The following ATP10B variants were observed in gnomAD, a reference collection of about 807,000 sequenced individuals.
ATP10B encodes the protein phospholipid-transporting ATPase VB.
Under a neutral mutation model 141.2 loss-of-function variants are expected in ATP10B, and 122 were observed. The observed-to-expected ratio is 0.86, with a 90% CI of 0.75 to 1.00. The LOEUF (loss-of-function observed/expected upper bound fraction) is 1.00, where lower values mean the gene tolerates loss of function less well. Ranked by LOEUF, ATP10B falls within the 50% of genes least tolerant of loss-of-function variation. ATP10B has a pLI of 0.00. For missense variants in ATP10B, 1,876 were observed against 1,825.3 expected (o/e 1.03, Z -0.51); for synonymous variants, 685 against 692.0 (o/e 0.99, Z 0.16).
intron 2 of ATP10B, among the ~76,000 whole-genome samples, chr5:160,769,777 G>C (rs11951701): frequency 0.2 from 30,002 of 152,150 alleles, 3,553 homozygotes; most frequent in East Asian, 0.51. Context: ...ACAATTAGTA[G>C]CATTGCCATA....
chr5:160,755,865 A>G, intron 2 of ATP10B, among the ~76,000 whole-genome samples: 1 of 124,342 alleles, frequency 8.0e-6, no homozygotes, highest in African/African-American at 3.0e-5. Flanking sequence ...ATATATATAT[A>G]TATATATATA....
chr5:160,825,822 CA>C (rs1409885592), intron 1 of ATP10B, among the ~76,000 whole-genome samples: 10 of 152,244 alleles, frequency 6.6e-5, no homozygotes, highest in African/African-American at 2.4e-4. Context: ...TTCCCCTGAC[CA>C]GTAGTCAGCA....
At chr5:160,873,474 T>C in the ATP10B span, among the ~76,000 whole-genome samples, 5 of 152,360 alleles carry the variant, frequency 3.3e-5, no homozygotes, top group Non-Finnish European at 5.9e-5. Flanking sequence ...GATGACATGA[T>C]TGTCTCTGTA....
rs1754414015 is a variant in ATP10B at position 160,564,275 on chromosome 5, C to T, written c.*1178G>A. On this transcript the variant is annotated 3_prime_UTR_variant, in exon 26 of 26. Coordinates refer to ENST00000327245, the MANE Select transcript of ATP10B (RefSeq NM_025153.3). The stretch of plus-strand genomic sequence containing the variant: ...CCACAGCAGACCTGGCTTCTTTGGA[C>T]AGCCTATTAAAATTCTACTGTTCAT... 1 of 152,350 alleles carries T rather than the reference C, an allele frequency of 6.6e-6. No homozygotes were observed. Among genetic ancestry groups the T allele is most frequent in the South Asian group, 2.1e-4 (1 of 4,826 alleles). 9.4% of individuals were successfully genotyped at this position (152,350 alleles called of 1,614,324 possible).
intron 24 of ATP10B, among the ~76,000 whole-genome samples, chr5:160,575,358 C>T (rs1324996385): frequency 2.6e-5 from 4 of 152,118 alleles, no homozygotes; most frequent in South Asian, 4.2e-4. Flanking sequence ...TGGGCTATTT[C>T]GTAGCCTTTG....
chr5:160,817,788 T>C (rs533562564), intron 1 of ATP10B, among the ~76,000 whole-genome samples: 1 of 152,276 alleles, frequency 6.6e-6, no homozygotes, highest in African/African-American at 2.4e-5. Context: ...ATGGTACTGG[T>C]ACCAAAACAG....
chr5:160,663,068 G>A (rs1340858957), intron 7 of ATP10B, among the ~76,000 whole-genome samples: 2 of 152,178 alleles, frequency 1.3e-5, no homozygotes, highest in African/African-American at 2.4e-5. Context: ...TCAGAGAAAT[G>A]CAAATCAAAA....
the ATP10B span, among the ~76,000 whole-genome samples, chr5:160,918,175 G>A: frequency 2.0e-5 from 3 of 152,362 alleles, no homozygotes; most frequent in East Asian, 1.9e-4. Context: ...TATGTTAGGT[G>A]CTAAGGGAAA....
At chr5:160,922,717 G>T in the ATP10B span, among the ~76,000 whole-genome samples, 2 of 152,228 alleles carry the variant, frequency 1.3e-5, no homozygotes, top group South Asian at 2.1e-4. Flanking sequence ...CTGACATACT[G>T]ATTCAGTGAA....
At chr5:160,609,657 C>T (rs543477619) in intron 18 of ATP10B, among the ~76,000 whole-genome samples, 11 of 152,246 alleles carry the variant, frequency 7.2e-5, no homozygotes, top group African/African-American at 1.7e-4. Flanking sequence ...GGATTACAGG[C>T]GTGAGTCACT....
intron 9 of ATP10B, among the ~76,000 whole-genome samples, chr5:160,642,052 T>C (rs1055890241): frequency 2.6e-5 from 4 of 151,956 alleles, no homozygotes; most frequent in Non-Finnish European, 4.4e-5. Flanking sequence ...CTCTGTTCTT[T>C]TGGAAAGAGT....
At chr5:160,578,626 T>A (rs1459617437) in intron 24 of ATP10B, among the ~76,000 whole-genome samples, 1 of 152,212 alleles carries the variant, frequency 6.6e-6, no homozygotes. Context: ...AAGTCTTTGC[T>A]ATTGTGAACA....
chr5:160,728,574 T>C (rs538861957), intron 2 of ATP10B, among the ~76,000 whole-genome samples: 330 of 152,288 alleles, frequency 2.2e-3, no homozygotes, highest in African/African-American at 7.6e-3. Context: ...GGCTCCTGCC[T>C]AATGTGTCTC....
the ATP10B span, among the ~76,000 whole-genome samples, chr5:160,917,756 C>T: frequency 6.6e-6 from 1 of 152,204 alleles, no homozygotes; most frequent in Non-Finnish European, 1.5e-5. Flanking sequence ...GACCTATTTA[C>T]AAGCCACAAC....
At chr5:160,765,050 A>G (rs1020587177) in intron 2 of ATP10B, among the ~76,000 whole-genome samples, 5 of 152,178 alleles carry the variant, frequency 3.3e-5, no homozygotes, top group South Asian at 2.1e-4. Context: ...AAACTACAAA[A>G]CACTGCTGAA....
the ATP10B span, among the ~76,000 whole-genome samples, chr5:160,899,605 CAGAG>C: frequency 6.6e-6 from 1 of 152,100 alleles, no homozygotes; most frequent in Non-Finnish European, 1.5e-5. Flanking sequence ...TTATACTTTT[CAGAG>C]AGAGTTCTTG....
chr5:160,902,924 A>T, the ATP10B span, among the ~76,000 whole-genome samples: 1 of 152,226 alleles, frequency 6.6e-6, no homozygotes, highest in African/African-American at 2.4e-5. Context: ...GGATGGGCAC[A>T]GAGGATGAGC....
chr5:160,569,445 T>G, intron 25 of ATP10B, 51 bp downstream of exon 25: 1 of 1,594,886 alleles, frequency 6.3e-7, no homozygotes, highest in Admixed American at 1.7e-5. Context: ...AATGGCTTAT[T>G]AAAGGGAGAT....
chr5:160,871,324 ATTG>A, the ATP10B span, among the ~76,000 whole-genome samples: 1 of 152,060 alleles, frequency 6.6e-6, no homozygotes, highest in Admixed American at 6.6e-5. Flanking sequence ...TTTTTACTCA[ATTG>A]TTGTTATAAT....
Sources: allele counts gnomAD v4.1 joint callset (sites outside exome capture counted in the v4.1 genomes callset), GRCh38; gene constraint gnomAD v4.1.1; transcripts MANE v1.5; gene names NCBI Gene and HGNC (gene_info 2026-07-23, HGNC 2026-07-21).